HAVCR2: variants seen among roughly 807,000 people sequenced by gnomAD.
HAVCR2 encodes the protein T cell immunoglobulin mucin 3.
In HAVCR2, 13 loss-of-function variants were observed where a neutral mutation model predicts 24.7. The observed-to-expected ratio is 0.53, with a 90% CI of 0.34 to 0.84. The LOEUF (loss-of-function observed/expected upper bound fraction) is 0.84, where lower values mean the gene tolerates loss of function less well. Ranked by LOEUF, HAVCR2 falls within the 40% of genes least tolerant of loss-of-function variation. The pLI is 0.01. For synonymous variants in HAVCR2, 154 were observed against 143.4 expected (o/e 1.07, Z -0.53); for missense variants, 343 against 371.2 (o/e 0.92, Z 0.62).
chr5:157,106,974 G>C lies in HAVCR2; in HGVS notation c.59-12C>G, dbSNP rs1407551543. ...CACTTCTGAGGACCCTGCATAGAGA[G>C]AGAAGGAGAGCCAAGACTCAAGCGG... is the stretch of plus-strand genomic sequence containing the variant. On this transcript the variant is annotated splice_polypyrimidine_tract_variant and intron_variant, in intron 1 of 6. Coordinates refer to ENST00000307851, the MANE Select transcript of HAVCR2 (RefSeq NM_032782.5). 6 of 1,594,230 alleles carry C rather than the reference G, an allele frequency of 3.8e-6. No individual in the cohort carries two copies. The highest frequency in any genetic ancestry group is 5.1e-6 in the Non-Finnish European group (6 of 1,167,968).
At chr5:157,104,309 A>G (rs1349945431) in intron 3 of HAVCR2, among the ~76,000 whole-genome samples, 4 of 152,220 alleles carry the variant, frequency 2.6e-5, no homozygotes, top group Non-Finnish European at 4.4e-5. Context: ...CAGTTCCCAA[A>G]CACAGACTGA....
At chr5:157,098,560 C>T (rs1757126238) in intron 4 of HAVCR2, among the ~76,000 whole-genome samples, 1 of 152,076 alleles carries the variant, frequency 6.6e-6, no homozygotes, top group East Asian at 1.9e-4. Flanking sequence ...TTGAACCTTC[C>T]ACAGGGTAGA....
intron 2 of HAVCR2, among the ~76,000 whole-genome samples, chr5:157,105,605 AAGAG>A (rs1757236124): frequency 6.6e-6 from 1 of 152,210 alleles, no homozygotes; most frequent in Non-Finnish European, 1.5e-5. Context: ...TATTTTATAG[AAGAG>A]GAGCTCACAG....
rs556443053 is a variant in HAVCR2, at chr5:157,092,878, CAAAAAAAAAAAAAAAAAAAAAAAA to C, written c.676+2404_676+2427del. Among the ~76,000 whole-genome samples the C allele has an allele frequency of 2.0e-4, 9 of 44,018 alleles. 1 individual carries two copies. The highest frequency in any genetic ancestry group is 2.8e-4 in the Non-Finnish European group (6 of 21,712). 28.9% of individuals were successfully genotyped at this position (44,018 alleles called of 152,430 possible). ...CAACATGGCAAAACCCTGTCTCTAC[CAAAAAAAAAAAAAAAAAAAAAAAA>C]AAAAAAAAAAAAAAAACTAGCCAGG... On this transcript the variant is annotated intron_variant, in intron 5 of 6. Transcript: ENST00000307851.
At chr5:157,097,831 G>A (rs1301825378) in intron 4 of HAVCR2, among the ~76,000 whole-genome samples, 1 of 151,006 alleles carries the variant, frequency 6.6e-6, no homozygotes, top group Non-Finnish European at 1.5e-5. Flanking sequence ...TCAAACCCCT[G>A]ACAGGTGATC....
At chr5:157,092,141 TATA>T (rs1358589637) in intron 5 of HAVCR2, among the ~76,000 whole-genome samples, 6 of 216 alleles carry the variant, frequency 0.028, no homozygotes, top group Non-Finnish European at 0.051. Context: ...GGTCATATTA[TATA>T]TATATATATA....
chr5:157,090,441 A>T (rs1209322907), intron 5 of HAVCR2, among the ~76,000 whole-genome samples: 1 of 152,120 alleles, frequency 6.6e-6, no homozygotes, highest in Non-Finnish European at 1.5e-5. Flanking sequence ...CTAAAAATAC[A>T]AAAACTAGCC....
At chr5:157,102,831 A>T (rs1561623003) in intron 3 of HAVCR2, among the ~76,000 whole-genome samples, 2 of 150,072 alleles carry the variant, frequency 1.3e-5, no homozygotes, top group Non-Finnish European at 3.0e-5. Flanking sequence ...GCTACTTGGG[A>T]GGCTGAGGCA....
chr5:157,098,384 G>A (rs1421056262), intron 4 of HAVCR2, among the ~76,000 whole-genome samples: 1 of 150,354 alleles, frequency 6.7e-6, no homozygotes, highest in Non-Finnish European at 1.5e-5. Context: ...TCCAGCCTGG[G>A]CAACAAGAGC....
chr5:157,099,747 G>A lies in HAVCR2; in HGVS notation c.479-846C>T, dbSNP rs79463149. On this transcript the variant is annotated intron_variant, in intron 3 of 6. Coordinates refer to ENST00000307851, the MANE Select transcript of HAVCR2 (RefSeq NM_032782.5). Reference sequence around the variant, plus strand: ...ATCTCACTCTATCACCCAGGCTGGAGTGCAGTAGCATGATCTCTGCTCACT... The same window carrying A: ...ATCTCACTCTATCACCCAGGCTGGAATGCAGTAGCATGATCTCTGCTCACT... Among the ~76,000 whole-genome samples, 702 of 152,162 alleles carry A rather than the reference G, an allele frequency of 4.6e-3. 1 individual carries two copies. Among genetic ancestry groups the A allele is most frequent in the Non-Finnish European group, 7.3e-3 (497 of 68,014 alleles).
chr5:157,091,271 C>T (rs1461319950), intron 5 of HAVCR2, among the ~76,000 whole-genome samples: 1 of 152,030 alleles, frequency 6.6e-6, no homozygotes, highest in South Asian at 2.1e-4. Flanking sequence ...ATGGTGAAAC[C>T]CCCGTCTCTA....
At position 157,099,040 on chromosome 5, in the gene HAVCR2, C is replaced by T. The variant is rs1757133505; in HGVS notation, c.479-139G>A. 5.3e-6 allele frequency: 4 copies of T among 752,968 alleles called. No homozygotes were observed. In the Admixed American group the frequency reaches 9.9e-5, roughly 19 times the overall value. 46.6% of individuals were successfully genotyped at this position (752,968 alleles called of 1,614,324 possible). On this transcript the variant is annotated intron_variant, in intron 3 of 6. Coordinates refer to ENST00000307851, the MANE Select transcript of HAVCR2 (RefSeq NM_032782.5). The stretch of plus-strand genomic sequence containing the variant: ...GAAATGAATTCTACTCCGTACTTGT[C>T]ACAATAATTAATGGAGAGACAGACA...
At position 157,095,327 on chromosome 5, in the gene HAVCR2, A is replaced by T. The variant is rs753084941; in HGVS notation, c.655T>A (p.Phe219Ile). The T allele has an allele frequency of 1.9e-6, 3 of 1,613,764 alleles. No homozygotes were observed. ...ICAGLALALI[F>I]GALIFKWYSH... ...TTACATTTGAAAATTAAAGCGCCGA[A>T]GATAAGAGCCAGAGCCAGCCCAGCA... is the stretch of plus-strand genomic sequence containing the variant. The change falls in exon 5 of 7, where the codon TTC becomes ATC. Residue 219 changes from phenylalanine (F) to isoleucine (I), a missense_variant. Coordinates refer to ENST00000307851, the MANE Select transcript of HAVCR2 (RefSeq NM_032782.5).
At chr5:157,101,936 C>T (rs985894143) in intron 3 of HAVCR2, among the ~76,000 whole-genome samples, 5 of 148,394 alleles carry the variant, frequency 3.4e-5, no homozygotes, top group Admixed American at 2.7e-4. Flanking sequence ...CCACCATGCC[C>T]GGCTATTTTT....
chr5:157,107,301 T>C (rs939076675), intron 1 of HAVCR2: 3 of 219,720 alleles, frequency 1.4e-5, no homozygotes, highest in South Asian at 1.1e-4. Context: ...TAGGAGAGAA[T>C]TGTGGCCCAA....
intron 1 of HAVCR2, among the ~76,000 whole-genome samples, chr5:157,107,867 C>A (rs546123758): frequency 7.3e-5 from 11 of 150,016 alleles, no homozygotes; most frequent in Admixed American, 5.3e-4. Context: ...CTGCCCCCCC[C>A]CCTTTTTTAT....
At chr5:157,096,439 G>A (rs1757094936) in intron 4 of HAVCR2, among the ~76,000 whole-genome samples, 1 of 152,026 alleles carries the variant, frequency 6.6e-6, no homozygotes, top group African/African-American at 2.4e-5. Context: ...AATAAATCCT[G>A]TTTCTAAAAT....
At chr5:157,096,965 T>C (rs79549199) in intron 4 of HAVCR2, among the ~76,000 whole-genome samples, 8,825 of 132,480 alleles carry the variant, frequency 0.067, 375 homozygotes, top group Admixed American at 0.15. Context: ...CACACACACA[T>C]ATAATTATAA....
At chr5:157,097,657 T>C (rs1370546495) in intron 4 of HAVCR2, among the ~76,000 whole-genome samples, 16 of 152,096 alleles carry the variant, frequency 1.1e-4, no homozygotes, top group Admixed American at 1.0e-3. Context: ...TGGTGTGCAG[T>C]GGCGCGACCT....
Sources: gnomAD v4.1 joint callset for allele counts (sites outside exome capture counted in the v4.1 genomes callset) on GRCh38, gnomAD v4.1.1 for gene constraint, MANE v1.5 for transcripts, NCBI Gene and HGNC (gene_info 2026-07-23, HGNC 2026-07-21) for gene names.